The following EBF1 variants were observed in gnomAD, a reference collection of about 807,000 sequenced individuals.
EBF1 encodes transcription factor COE1.
EBF1 carries 10 observed loss-of-function variants against 68.4 expected under a neutral mutation model. The ratio of observed to expected loss-of-function variants is 0.15; its 90% CI spans 0.09 to 0.25. The LOEUF (loss-of-function observed/expected upper bound fraction) is 0.25. Among genes scored for constraint, EBF1 ranks in the 10% least tolerant of loss-of-function variants. EBF1 has a pLI of 1.00. For synonymous variants in EBF1, 298 were observed against 299.8 expected, an observed-to-expected ratio of 0.99 and a Z score of 0.06; for missense variants, 509 against 794.4, an observed-to-expected ratio of 0.64 and a Z score of 4.32.
intron 10 of EBF1, among the ~76,000 whole-genome samples, chr5:158,755,222 T>C (rs986877774): frequency 3.9e-5 from 6 of 152,100 alleles, no homozygotes; most frequent in Non-Finnish European, 8.8e-5. Context: ...TTTAAGAAGA[T>C]GGAGCTCAGT....
chr5:159,012,463 G>A (rs1764862341), intron 6 of EBF1, among the ~76,000 whole-genome samples: 2 of 151,746 alleles, frequency 1.3e-5, no homozygotes, highest in Admixed American at 6.6e-5. Context: ...ACCTCAGAAT[G>A]TGACTGTATT....
chr5:158,880,841 G>A (rs1345721), intron 6 of EBF1, among the ~76,000 whole-genome samples: 1 of 152,040 alleles, frequency 6.6e-6, no homozygotes, highest in Non-Finnish European at 1.5e-5. Flanking sequence ...CCTGGAACCC[G>A]GGGTGATTCA....
intron 6 of EBF1, among the ~76,000 whole-genome samples, chr5:158,867,401 G>C (rs1397358192): frequency 6.6e-6 from 1 of 152,134 alleles, no homozygotes; most frequent in African/African-American, 2.4e-5. Flanking sequence ...CTTTACCTCC[G>C]TATTTTCATC....
chr5:158,994,108 T>C (rs1760924034), intron 6 of EBF1, among the ~76,000 whole-genome samples: 1 of 152,118 alleles, frequency 6.6e-6, no homozygotes, highest in Non-Finnish European at 1.5e-5. Flanking sequence ...ATGTGGTGGG[T>C]TAATCATTCC....
chr5:158,931,272 C>T lies in EBF1; in HGVS notation c.555-91162G>A, dbSNP rs139834522. The stretch of plus-strand genomic sequence containing the variant: ...AGCGGTGTTGCTGATTCAGAGTAAG[C>T]TCAACATACTCCACACTTATTTACT... On this transcript the variant is annotated intron_variant, in intron 6 of 15. Coordinates refer to ENST00000313708, the MANE Select transcript of EBF1 (RefSeq NM_024007.5). 2.7e-3 allele frequency among the ~76,000 whole-genome samples: 409 copies of T among 152,302 alleles called. 2 individuals are homozygous for T. The highest frequency in any genetic ancestry group is 4.2e-3 in the Non-Finnish European group (288 of 68,028).
chr5:158,941,172 C>G (rs765630852), intron 6 of EBF1: 3 of 455,848 alleles, frequency 6.6e-6, no homozygotes, highest in South Asian at 4.6e-5. Context: ...ATTCACGCAC[C>G]TCAGGTTTGC....
At chr5:158,969,039 C>A (rs762918416) in intron 6 of EBF1, among the ~76,000 whole-genome samples, 5 of 152,186 alleles carry the variant, frequency 3.3e-5, no homozygotes, top group African/African-American at 7.2e-5. Flanking sequence ...CGGTTGCTCA[C>A]GCCTGTAATC....
intron 6 of EBF1, among the ~76,000 whole-genome samples, chr5:158,840,655 T>G (rs947090308): frequency 7.5e-5 from 7 of 93,354 alleles, no homozygotes; most frequent in African/African-American, 1.3e-4. Flanking sequence ...GTTTTTTTTT[T>G]TTTTTTTTTT....
In EBF1 at chr5:158,699,113, A is replaced by T. The variant is rs1055345178; in HGVS notation, c.1774T>A (p.Ter592ArgextTer9). Residue 592 changes from the stop codon to arginine, a stop_lost, in exon 16 of 16, where the codon TGA becomes AGA. Coordinates refer to ENST00000313708, the MANE Select transcript of EBF1 (RefSeq NM_024007.5). ...AISGMIVPPM[*>R] ...TACAATTCTTCAAGGCAATTCTTTC[A>T]CATAGGAGGAACAATCATGCCAGAT... 2 of 1,608,988 alleles carry T rather than the reference A, an allele frequency of 1.2e-6. No individual in the cohort carries two copies. Among genetic ancestry groups the T allele is most frequent in the African/African-American group, 2.7e-5 (2 of 74,764 alleles).
At chr5:158,740,640 G>A (rs1766133270) in intron 10 of EBF1, among the ~76,000 whole-genome samples, 1 of 152,190 alleles carries the variant, frequency 6.6e-6, no homozygotes, top group Non-Finnish European at 1.5e-5. Flanking sequence ...ATGCCATGCA[G>A]CGAGCTACAA....
chr5:158,946,557 A>G (rs1270938564), intron 6 of EBF1, among the ~76,000 whole-genome samples: 1 of 152,140 alleles, frequency 6.6e-6, no homozygotes. Flanking sequence ...TTCCTCTGGA[A>G]GCTTCATCCC....
At chr5:159,096,032 G>A (rs991745754) in intron 3 of EBF1, among the ~76,000 whole-genome samples, 2 of 152,262 alleles carry the variant, frequency 1.3e-5, no homozygotes, top group Non-Finnish European at 2.9e-5. Context: ...AGCCCAAGGG[G>A]CCATGGGCCT....
At chr5:158,870,019 C>T (rs1462858718) in intron 6 of EBF1, among the ~76,000 whole-genome samples, 1 of 152,152 alleles carries the variant, frequency 6.6e-6, no homozygotes, top group Non-Finnish European at 1.5e-5. Flanking sequence ...ATTTCATGCT[C>T]CAAAGCTGCC....
rs1337629635 is a variant in EBF1, at chr5:158,708,160, G to T, written c.1563C>A (p.Ser521Arg). ...ANSPYAIVPS[S>R]PTMASSTSLP... is the part of the protein sequence containing the mutation. Reference sequence around the variant, plus strand: ...GGCTTGTGGAGGAGGCCATGGTGGGGCTGGATGGCACTACTGAGAGGGGCA... The same window carrying T: ...GGCTTGTGGAGGAGGCCATGGTGGGTCTGGATGGCACTACTGAGAGGGGCA... Residue 521 changes from serine to arginine, a missense_variant, in exon 15 of 16, where the codon AGC becomes AGA. By Grantham distance (110) the Ser-to-Arg change is moderately radical (BLOSUM62 -1). Coordinates refer to ENST00000313708, the MANE Select transcript of EBF1 (RefSeq NM_024007.5). 1 of 1,581,288 alleles carries T rather than the reference G, an allele frequency of 6.3e-7. No individual in the cohort carries two copies. The highest frequency in any genetic ancestry group is 1.2e-5 in the South Asian group (1 of 86,104).
At chr5:158,728,704 C>T (rs191839803) in intron 11 of EBF1, among the ~76,000 whole-genome samples, 233 of 152,266 alleles carry the variant, frequency 1.5e-3, no homozygotes, top group Non-Finnish European at 2.8e-3. Flanking sequence ...GCTTGGACTA[C>T]GTGCACACAC....
intron 6 of EBF1, among the ~76,000 whole-genome samples, chr5:159,065,952 A>G (rs1431075450): frequency 6.6e-6 from 1 of 152,058 alleles, no homozygotes; most frequent in African/African-American, 2.4e-5. Context: ...GGAGCCCCCC[A>G]TGCTGCTACT....
At chr5:158,917,523 C>T (rs1807477728) in intron 6 of EBF1, among the ~76,000 whole-genome samples, 1 of 152,168 alleles carries the variant, frequency 6.6e-6, no homozygotes, top group African/African-American at 2.4e-5. Flanking sequence ...GTGCAAACCA[C>T]TGATTTTAGG....
chr5:158,767,851 G>C (rs1773074388), intron 10 of EBF1, among the ~76,000 whole-genome samples: 1 of 152,044 alleles, frequency 6.6e-6, no homozygotes, highest in Non-Finnish European at 1.5e-5. Flanking sequence ...GATCAGAGAG[G>C]GGCCTACATT....
At position 158,712,292 on chromosome 5, in the gene EBF1, C is replaced by A; in HGVS notation, c.1411G>T (p.Val471Leu). ...NSSSVSPHGYVPSTTPQQTNY... is the reference protein window; with the variant it reads ...NSSSVSPHGYLPSTTPQQTNY... ...GTCTGCTGGGGAGTGGTGCTCGGCA[C>A]GTACCCGTGTGGTGATACGCTGCTT... The change falls in exon 14 of 16, where the codon GTG becomes TTG. Residue 471 changes from valine (V) to leucine (L), a missense_variant. Around this residue, in one of 3 missense-constraint regions of EBF1, gnomAD observed 205 missense variants for 247.4 expected, o/e 0.83. Transcript: ENST00000313708. 2 of 1,614,014 alleles carry A rather than the reference C, an allele frequency of 1.2e-6. No individual in the cohort carries two copies. The highest frequency in any genetic ancestry group is 1.7e-6 in the Non-Finnish European group (2 of 1,179,990).
Sources: gnomAD v4.1 joint callset for allele counts (sites outside exome capture counted in the v4.1 genomes callset) on GRCh38, gnomAD v4.1.1 for gene constraint, gnomAD v4.1.1 regional missense constraint, MANE v1.5 for transcripts, NCBI Gene and HGNC (gene_info 2026-07-23, HGNC 2026-07-21) for gene names.